The following IGLON5 variants were observed in gnomAD, a reference collection of about 807,000 sequenced individuals.
IGLON5 encodes IgLON family member 5, also known as Ig-like domain-containing protein ENSP00000270642.
Under a neutral mutation model 38.2 loss-of-function variants are expected in IGLON5, and 16 were observed. The observed-to-expected ratio is 0.42, with a 90% CI of 0.28 to 0.64. The LOEUF is 0.64. Ranked by LOEUF, IGLON5 falls within the 30% of genes least tolerant of loss-of-function variation. The pLI is 0.23. For missense variants in IGLON5, 366 were observed against 483.4 expected (o/e 0.76, Z 2.28); for synonymous variants, 207 against 216.4 (o/e 0.96, Z 0.38).
Position 51,326,851 on chromosome 19 carries a change from G to A in IGLON5, c.599G>A (p.Gly200Glu). 1 of 1,558,838 alleles carries A rather than the reference G, an allele frequency of 6.4e-7. No homozygotes were observed. The change falls in exon 5 of 8, where the codon GGG (glycine) becomes GAG (glutamate). Residue 200 changes from glycine to glutamate, a missense_variant. Transcript: ENST00000270642. ...AGEYECVTHN[G>E]VNSAPDSRRV... is the part of the protein sequence containing the mutation. The stretch of plus-strand genomic sequence containing the variant: ...GAGTATGAGTGCGTGACTCACAACG[G>A]GGTTAACTCGGCGCCCGACAGCCGC...
chr19:51,323,406 C>T (rs1300944324), intron 2 of IGLON5, among the ~76,000 whole-genome samples: 1 of 152,172 alleles, frequency 6.6e-6, no homozygotes, highest in Non-Finnish European at 1.5e-5. Context: ...CTCTGTTCTC[C>T]CCTTTTTGTG....
intron 1 of IGLON5, among the ~76,000 whole-genome samples, chr19:51,313,870 C>T (rs533482530): frequency 3.3e-5 from 5 of 151,672 alleles, no homozygotes; most frequent in Non-Finnish European, 7.4e-5. Flanking sequence ...CACAGATGCA[C>T]GCCACCACAC....
In IGLON5 at chr19:51,328,713, TC is replaced by T. The variant is rs2123538828; in HGVS notation, c.967del (p.Leu323TrpfsTer75). On this transcript the variant is annotated frameshift_variant, in exon 8 of 8. Transcript: ENST00000270642. LOFTEE classifies it high-confidence loss of function. Reference protein sequence around the residue: ...LENSAPRPPGLLALLSALGWL... With the variant: ...LENSAPRPPGXLALLSALGWL... The stretch of plus-strand genomic sequence containing the variant: ...AACTCAGCCCCGAGGCCCCCAGGGC[TC>T]CTGGCCCTCCTCTCCGCCCTGGGCT... 6.3e-7 allele frequency: 1 copy of T among 1,599,582 alleles called. No individual in the cohort carries two copies. Among genetic ancestry groups the T allele is most frequent in the Non-Finnish European group, 8.5e-7 (1 of 1,173,262 alleles).
At chr19:51,313,695 C>CTTTCTTTCT (rs57541204) in intron 1 of IGLON5, among the ~76,000 whole-genome samples, 2,559 of 51,076 alleles carry the variant, frequency 0.05, 70 homozygotes, top group Non-Finnish European at 0.081. Context: ...TTCTTTCTTT[C>CTTTCTTTCT]TTCTTTCTTC....
Position 51,320,649 on chromosome 19 carries a change from G to A in IGLON5, c.80-1415G>A, listed in dbSNP as rs571203613. The stretch of plus-strand genomic sequence containing the variant: ...AAACTTGAGCACACAGTGTGCCTGT[G>A]TAGATGTGTGTGTCTGCAAAGGTTT... On this transcript the variant is annotated intron_variant, in intron 1 of 7. Transcript: ENST00000270642. Among the ~76,000 whole-genome samples the A allele has an allele frequency of 1.3e-4, 20 of 152,298 alleles. No homozygotes were observed. In the East Asian group the frequency reaches 3.9e-3, roughly 29 times the overall value.
Position 51,327,835 on chromosome 19 carries a change from T to C in IGLON5, c.871T>C (p.Cys291Arg). 1 of 1,547,314 alleles carries C rather than the reference T, an allele frequency of 6.5e-7. No individual in the cohort carries two copies. Residue 291 changes from cysteine to arginine, a missense_variant, in exon 7 of 8, where the codon TGT becomes CGT. Physicochemically the swap from Cys to Arg is radical, Grantham distance 180. Coordinates refer to ENST00000270642, the MANE Select transcript of IGLON5 (RefSeq NM_001101372.3). This position sits in a 1 kb window ranked among gnomAD's most constrained non-coding sequence, Gnocchi z 7.1. The stretch of plus-strand genomic sequence containing the variant: ...CGCCCGGCATTACGGCAACTATACG[T>C]GTCGCGCCGCCAACCGACTGGGAGC... ...VSARHYGNYT[C>R]RAANRLGASS...
intron 1 of IGLON5, among the ~76,000 whole-genome samples, chr19:51,314,992 T>C (rs561285538): frequency 3.1e-4 from 47 of 152,164 alleles, no homozygotes; most frequent in Non-Finnish European, 6.0e-4. Flanking sequence ...TTGATTTTTT[T>C]CCCCCAAAAT....
Position 51,323,690 on chromosome 19 carries a change from G to A in IGLON5, c.187G>A (p.Val63Met), listed in dbSNP as rs1178594127. The A allele has an allele frequency of 1.2e-6, 2 of 1,613,128 alleles. No homozygotes were observed. Among genetic ancestry groups the A allele is most frequent in the African/African-American group, 1.3e-5 (1 of 74,900 alleles). The change falls in exon 3 of 8, where the codon GTG becomes ATG. Residue 63 changes from valine (V) to methionine (M), a missense_variant. Physicochemically the swap from Val to Met is conservative, Grantham distance 21. Coordinates refer to ENST00000270642, the MANE Select transcript of IGLON5 (RefSeq NM_001101372.3). The part of the protein sequence containing the change: ...SCFIDEHVTR[V>M]AWLNRSNILY... ...CTTCATCGACGAGCACGTGACCCGC[G>A]TGGCCTGGCTGAACCGCTCCAACAT...
chr19:51,321,413 A>G (rs1159962397), intron 1 of IGLON5, among the ~76,000 whole-genome samples: 2 of 152,164 alleles, frequency 1.3e-5, no homozygotes, highest in East Asian at 3.8e-4. Flanking sequence ...TCCTGGTCTC[A>G]GGTAATCCTC....
intron 1 of IGLON5, among the ~76,000 whole-genome samples, chr19:51,320,491 C>T (rs1380457555): frequency 6.6e-6 from 1 of 152,228 alleles, no homozygotes; most frequent in South Asian, 2.1e-4. Flanking sequence ...ATGCCCAGCC[C>T]CCACTCCCTG....
rs376631777 is a variant in IGLON5, at chr19:51,317,339, ACTGTACTAGAAC to A, written c.80-4722_80-4711del. On this transcript the variant is annotated intron_variant, in intron 1 of 7. Coordinates refer to ENST00000270642, the MANE Select transcript of IGLON5 (RefSeq NM_001101372.3). ...GTTTGCAAGCACTTAACTGGCAGGCACTGTACTAGAACCTTTACTTGGATTACCTCTTGTAAT... is the reference window on the plus strand; with the variant it reads ...GTTTGCAAGCACTTAACTGGCAGGCACTTTACTTGGATTACCTCTTGTAAT... Among the ~76,000 whole-genome samples the A allele has an allele frequency of 1.1e-3, 174 of 152,298 alleles. 1 individual carries two copies. Among genetic ancestry groups the A allele is most frequent in the Non-Finnish European group, 2.0e-3 (138 of 68,014 alleles).
In IGLON5 at chr19:51,325,246, G is replaced by A. The variant is rs1985184655; in HGVS notation, c.392-100G>A. The stretch of plus-strand genomic sequence containing the variant: ...GGTCTGAACTCCTGGGTCTGAGGGA[G>A]GAGGAGGGGCTGGGGGTCTGGACTC... On this transcript the variant is annotated intron_variant, in intron 3 of 7. Transcript: ENST00000270642. This position sits in a 1 kb window ranked among gnomAD's most constrained non-coding sequence, Gnocchi z 5.5. 2 of 1,521,102 alleles carry A rather than the reference G, an allele frequency of 1.3e-6. No individual in the cohort carries two copies. Among genetic ancestry groups the A allele is most frequent in the Non-Finnish European group, 8.9e-7 (1 of 1,125,596 alleles). The allele number at this position is 1,521,102 out of a possible 1,614,324, so 94.2% of individuals were successfully genotyped here.
At chr19:51,319,735 G>C (rs954314291) in intron 1 of IGLON5, among the ~76,000 whole-genome samples, 1 of 152,172 alleles carries the variant, frequency 6.6e-6, no homozygotes, top group African/African-American at 2.4e-5. Flanking sequence ...CTCCTTTCCA[G>C]CTGACCTGCT....
chr19:51,319,033 C>T (rs976054845), intron 1 of IGLON5, among the ~76,000 whole-genome samples: 2 of 152,216 alleles, frequency 1.3e-5, no homozygotes, highest in African/African-American at 2.4e-5. Context: ...AGAAGCGAGA[C>T]GCTGCCGACC....
At chr19:51,323,377 T>C (rs975830361) in intron 2 of IGLON5, among the ~76,000 whole-genome samples, 1 of 152,210 alleles carries the variant, frequency 6.6e-6, no homozygotes, top group Non-Finnish European at 1.5e-5. Flanking sequence ...TCTGCATCTC[T>C]ATTCCTCTCT....
chr19:51,319,948 C>G (rs1042359158), intron 1 of IGLON5, among the ~76,000 whole-genome samples: 3 of 152,068 alleles, frequency 2.0e-5, no homozygotes, highest in Non-Finnish European at 4.4e-5. Context: ...GTCTGTACCT[C>G]TCTGTCTGGG....
intron 1 of IGLON5, among the ~76,000 whole-genome samples, chr19:51,319,829 G>T (rs977029242): frequency 2.0e-5 from 3 of 152,004 alleles, no homozygotes; most frequent in African/African-American, 7.2e-5. Context: ...AGCCATGCGC[G>T]TGACTGAGAG....
intron 7 of IGLON5, 121 bp downstream of exon 7, chr19:51,328,007 C>T: frequency 9.4e-7 from 1 of 1,067,966 alleles, no homozygotes; most frequent in Non-Finnish European, 1.3e-6. Flanking sequence ...GACGCTGAGA[C>T]TGAAAAGCAA....
chr19:51,326,547 G>A (rs1284027992), intron 4 of IGLON5, among the ~76,000 whole-genome samples: 1 of 152,022 alleles, frequency 6.6e-6, no homozygotes, highest in Non-Finnish European at 1.5e-5. Context: ...CTGGGTTCCA[G>A]GAACTGAGTC....
Sources: allele counts gnomAD v4.1 joint callset (sites outside exome capture counted in the v4.1 genomes callset), GRCh38; gene constraint gnomAD v4.1.1; non-coding constraint Gnocchi (gnomAD v3.1); transcripts MANE v1.5; gene names NCBI Gene and HGNC (gene_info 2026-07-23, HGNC 2026-07-21).